Variants in LRRC74A observed in about 807,000 individuals in gnomAD.
LRRC74A encodes leucine-rich repeat-containing protein 74A.
Under a neutral mutation model 57.9 loss-of-function variants are expected in LRRC74A, and 44 were observed. That is an observed-to-expected ratio of 0.76 (90% CI 0.60 to 0.98). The LOEUF (loss-of-function observed/expected upper bound fraction) is 0.98. Ranked by LOEUF, LRRC74A falls within the 50% of genes least tolerant of loss-of-function variation. The pLI, the probability that LRRC74A is intolerant of heterozygous loss-of-function variation, is 0.00. For synonymous variants in LRRC74A, 211 were observed against 219.4 expected, an observed-to-expected ratio of 0.96 and a Z score of 0.34; for missense variants, 572 against 574.0, an observed-to-expected ratio of 1.00 and a Z score of 0.04.
At chr14:76,866,105 T>C (rs770102189) in intron 12 of LRRC74A, 30 bp downstream of exon 12, 1 of 1,425,116 alleles carries the variant, frequency 7.0e-7, no homozygotes, top group Non-Finnish European at 9.8e-7. Context: ...CAACAGGCTG[T>C]GTGTGAGTGT....
At chr14:76,833,087 G>A (rs1185850010) in intron 3 of LRRC74A, among the ~76,000 whole-genome samples, 1 of 152,276 alleles carries the variant, frequency 6.6e-6, no homozygotes, top group East Asian at 1.9e-4. Context: ...AGAAGAAAAG[G>A]AGTCAGTGAA....
chr14:76,846,394 C>T (rs1238940225), intron 7 of LRRC74A, among the ~76,000 whole-genome samples: 1 of 152,148 alleles, frequency 6.6e-6, no homozygotes, highest in Non-Finnish European at 1.5e-5. Context: ...TGCAGAAATT[C>T]CCTCCCATCA....
chr14:76,867,388 C>T lies in LRRC74A; in HGVS notation c.1341C>T (p.Val447=). The T allele has an allele frequency of 6.3e-7, 1 of 1,599,772 alleles. No individual in the cohort carries two copies. Among genetic ancestry groups the T allele is most frequent in the Non-Finnish European group, 8.6e-7 (1 of 1,168,172 alleles). The change falls in exon 13 of 14, where the codon GTC becomes GTT. Residue 447 remains valine (V), a synonymous_variant. Coordinates refer to ENST00000689127, the MANE Select transcript of LRRC74A (RefSeq NM_001385106.1). ...AGGTCCCCCTGAACCAGTACCAGGT[C>T]AGGGAGGTGATAAAGAAGCTCGATG... The part of the protein sequence containing the change: ...QNKVPLNQYQ[V]REVIKKLDEK...
chr14:76,837,746 C>G (rs1190632033), intron 4 of LRRC74A, 129 bp from the exon 5 acceptor site: 1 of 563,352 alleles, frequency 1.8e-6, no homozygotes, highest in African/African-American at 1.9e-5. Flanking sequence ...CCCTAATCCT[C>G]CTAATCCTTT....
intron 4 of LRRC74A, 146 bp from the exon 5 acceptor site, chr14:76,837,729 G>A: frequency 4.5e-6 from 2 of 444,662 alleles, no homozygotes; most frequent in Non-Finnish European, 8.0e-6. Context: ...CTTCGTCCTT[G>A]GCACCTCCCT....
rs566369368 is a variant in LRRC74A at position 76,833,918 on chromosome 14, C to T, written c.340-2289C>T. ...ATCTTTGGTATCAGGCATTTACCAGCGGTCTTGATGTTTTCCCCCAAGGAT... is the reference window on the plus strand; with the variant it reads ...ATCTTTGGTATCAGGCATTTACCAGTGGTCTTGATGTTTTCCCCCAAGGAT... On this transcript the variant is annotated intron_variant, in intron 3 of 13. Coordinates refer to ENST00000689127, the MANE Select transcript of LRRC74A (RefSeq NM_001385106.1). Among the ~76,000 whole-genome samples, 12 of 152,210 alleles carry T rather than the reference C, an allele frequency of 7.9e-5. No individual in the cohort carries two copies. The South Asian group carries it at 1.0e-3, about 13-fold the overall frequency.
At chr14:76,857,140 G>A (rs149987002) in intron 9 of LRRC74A, among the ~76,000 whole-genome samples, 2,766 of 151,568 alleles carry the variant, frequency 0.018, 39 homozygotes, top group Non-Finnish European at 0.026. Context: ...ATGGATGGGA[G>A]AGCAGTGAGA....
chr14:76,868,461 C>T (rs1277854152), intron 13 of LRRC74A, among the ~76,000 whole-genome samples: 2 of 152,120 alleles, frequency 1.3e-5, no homozygotes, highest in African/African-American at 4.8e-5. Flanking sequence ...AAAGTGAGAC[C>T]CTGTCTCAAA....
intron 2 of LRRC74A, chr14:76,829,166 C>G: frequency 5.4e-6 from 7 of 1,289,438 alleles, no homozygotes; most frequent in Non-Finnish European, 7.1e-6. Context: ...CTGACAGGGT[C>G]AGCCTCAAAC....
intron 9 of LRRC74A, among the ~76,000 whole-genome samples, chr14:76,855,924 A>C (rs923567714): frequency 6.6e-5 from 10 of 152,206 alleles, no homozygotes; most frequent in African/African-American, 2.2e-4. Flanking sequence ...CATAGGTGAT[A>C]AGTACAAAGT....
At chr14:76,856,704 G>GTGGATGGA (rs1018461285) in intron 9 of LRRC74A, among the ~76,000 whole-genome samples, 1 of 147,194 alleles carries the variant, frequency 6.8e-6, no homozygotes, top group African/African-American at 2.6e-5. Context: ...GGATAAGTGA[G>GTGGATGGA]TGGATGGATG....
intron 10 of LRRC74A, among the ~76,000 whole-genome samples, chr14:76,860,334 C>A (rs916566223): frequency 6.6e-6 from 1 of 152,168 alleles, no homozygotes; most frequent in Admixed American, 6.5e-5. Flanking sequence ...CTCTGACAAA[C>A]AACACTCACG....
chr14:76,863,921 C>T (rs1898536363), intron 11 of LRRC74A, among the ~76,000 whole-genome samples: 1 of 152,248 alleles, frequency 6.6e-6, no homozygotes. Context: ...CCGCTGCCCA[C>T]CACCTGCCTC....
rs57316542 is a variant in LRRC74A, at chr14:76,842,659, GCATTCATT to G, written c.545-1741_545-1734del. 2.0e-4 allele frequency among the ~76,000 whole-genome samples: 31 copies of G among 151,404 alleles called. No individual in the cohort carries two copies. In the South Asian group the frequency reaches 4.8e-3, roughly 24 times the overall value. ...AACAAGTATTTGTGTTCCAGTGAAT[GCATTCATT>G]CATTCATTCATTCATTCATTCACTC... On this transcript the variant is annotated intron_variant, in intron 5 of 13. Transcript: ENST00000689127.
rs760515333 is a variant in LRRC74A at position 76,836,249 on chromosome 14, A to T, written c.382A>T (p.Ile128Phe). Residue 128 changes from isoleucine (I) to phenylalanine (F), a missense_variant, in exon 4 of 14, where the codon ATC becomes TTC. Ile to Phe is a conservative substitution (Grantham distance 21). Transcript: ENST00000689127. ...CAAACTGGAGCTGGAAGACAATTGC[A>T]TCATGGAGGAGGGCGTCTTGAGCCT... ...VTKLELEDNCIMEEGVLSLVE... is the reference protein window; with the variant it reads ...VTKLELEDNCFMEEGVLSLVE... 5 of 1,613,934 alleles carry T rather than the reference A, an allele frequency of 3.1e-6. No individual in the cohort carries two copies. The African/African-American group carries it at 5.3e-5, about 17-fold the overall frequency.
chr14:76,866,798 C>T (rs940818361), intron 12 of LRRC74A, among the ~76,000 whole-genome samples: 2 of 151,632 alleles, frequency 1.3e-5, no homozygotes, highest in Admixed American at 6.6e-5. Context: ...CCTTTGGAGT[C>T]TGGACAATGA....
intron 10 of LRRC74A, among the ~76,000 whole-genome samples, chr14:76,857,830 G>T (rs1467483687): frequency 1.3e-5 from 2 of 152,194 alleles, no homozygotes; most frequent in Non-Finnish European, 2.9e-5. Context: ...TCCCTGAATG[G>T]TTCCAGAATC....
At chr14:76,856,392 C>G (rs922963388) in intron 9 of LRRC74A, among the ~76,000 whole-genome samples, 6 of 152,336 alleles carry the variant, frequency 3.9e-5, no homozygotes, top group African/African-American at 1.4e-4. Context: ...GCCTGTCTCC[C>G]CCAATTACAG....
intron 5 of LRRC74A, among the ~76,000 whole-genome samples, chr14:76,842,241 CA>C (rs777166846): frequency 4.6e-5 from 7 of 152,024 alleles, no homozygotes; most frequent in African/African-American, 1.2e-4. Context: ...TGAGTTCTAA[CA>C]TTTTGTTAAT....
Sources: gnomAD v4.1 joint callset for allele counts (sites outside exome capture counted in the v4.1 genomes callset) on GRCh38, gnomAD v4.1.1 for gene constraint, MANE v1.5 for transcripts, NCBI Gene and HGNC (gene_info 2026-07-23, HGNC 2026-07-21) for gene names.